TAMM41: variants seen among roughly 807,000 people sequenced by gnomAD.
TAMM41 encodes the protein phosphatidate cytidylyltransferase, mitochondrial.
TAMM41 carries 36 observed loss-of-function variants against 44.1 expected under a neutral mutation model. The observed-to-expected ratio is 0.82, with a 90% CI of 0.63 to 1.08. The LOEUF (loss-of-function observed/expected upper bound fraction) is 1.08, where lower values mean the gene tolerates loss of function less well. Ranked by LOEUF, TAMM41 falls within the 50% of genes least tolerant of loss-of-function variation. The pLI, the probability that TAMM41 is intolerant of heterozygous loss-of-function variation, is 0.00. For missense variants in TAMM41, 417 were observed against 404.3 expected (o/e 1.03, Z -0.27); for synonymous variants, 164 against 153.1 (o/e 1.07, Z -0.53).
At chr3:11,826,434 T>C (rs1041060210) in intron 4 of TAMM41, among the ~76,000 whole-genome samples, 4 of 136,634 alleles carry the variant, frequency 2.9e-5, no homozygotes, top group Non-Finnish European at 4.6e-5. Context: ...GAGTCTGAGG[T>C]GGGAGGGTTG....
chr3:11,798,903 G>A (rs2077676351), intron 7 of TAMM41, among the ~76,000 whole-genome samples: 1 of 152,112 alleles, frequency 6.6e-6, no homozygotes, highest in Non-Finnish European at 1.5e-5. Flanking sequence ...AATGCTAGAT[G>A]CCTTAATATA....
the TAMM41 span, among the ~76,000 whole-genome samples, chr3:11,748,202 G>C: frequency 6.6e-6 from 1 of 151,764 alleles, no homozygotes; most frequent in Non-Finnish European, 1.5e-5. Flanking sequence ...AATCAAACAC[G>C]AGTATCTCCC....
chr3:11,752,465 C>G, the TAMM41 span, among the ~76,000 whole-genome samples: 1 of 151,980 alleles, frequency 6.6e-6, no homozygotes, highest in Non-Finnish European at 1.5e-5. Context: ...TTACAAACCT[C>G]TAGCTAGCCA....
At chr3:11,766,486 AAGG>A in the TAMM41 span, among the ~76,000 whole-genome samples, 1 of 152,024 alleles carries the variant, frequency 6.6e-6, no homozygotes, top group Non-Finnish European at 1.5e-5. Flanking sequence ...CTTATTTTGG[AAGG>A]AGAAGTACAG....
downstream of TAMM41, among the ~76,000 whole-genome samples, chr3:11,786,624 GGTT>G (rs761537249): frequency 6.6e-6 from 1 of 151,450 alleles, no homozygotes; most frequent in African/African-American, 2.4e-5. Flanking sequence ...TTATACTTAG[GGTT>G]GTTTTCATTT....
chr3:11,817,415 G>A (rs1338224614), intron 4 of TAMM41, 78 bp from the exon 5 acceptor site: 2 of 1,430,090 alleles, frequency 1.4e-6, no homozygotes, highest in African/African-American at 2.8e-5. Context: ...TCCCCACACT[G>A]ATACCGCACG....
At position 11,807,751 on chromosome 3, in the gene TAMM41, T is replaced by C. The variant is rs1559279115; in HGVS notation, c.937+82A>G. On this transcript the variant is annotated intron_variant, in intron 7 of 7. Transcript: ENST00000455809. ...CAGCATTTCACAAGCACCTAAAAGATACAAAGCTTTACACTGTAACCAAGA... is the reference window on the plus strand; with the variant it reads ...CAGCATTTCACAAGCACCTAAAAGACACAAAGCTTTACACTGTAACCAAGA... The C allele has an allele frequency of 7.8e-6, 12 of 1,536,072 alleles. No individual in the cohort carries two copies. The South Asian group carries it at 1.4e-4, about 18-fold the overall frequency.
downstream of TAMM41, among the ~76,000 whole-genome samples, chr3:11,787,431 C>A (rs2077424055): frequency 1.3e-5 from 2 of 152,188 alleles, no homozygotes; most frequent in South Asian, 4.1e-4. Context: ...TGCAGATTCT[C>A]TCCACGTCAT....
At chr3:11,779,101 T>C in the TAMM41 span, among the ~76,000 whole-genome samples, 1 of 152,076 alleles carries the variant, frequency 6.6e-6, no homozygotes, top group African/African-American at 2.4e-5. Context: ...ACTCTGTTAG[T>C]TCCTGTGAGA....
chr3:11,778,752 G>A, the TAMM41 span, among the ~76,000 whole-genome samples: 1 of 152,212 alleles, frequency 6.6e-6, no homozygotes, highest in Admixed American at 6.5e-5. Context: ...GATGAGTGAT[G>A]TTGGGCACCT....
the TAMM41 span, among the ~76,000 whole-genome samples, chr3:11,751,506 C>T: frequency 1.3e-5 from 2 of 152,330 alleles, no homozygotes; most frequent in South Asian, 4.1e-4. Flanking sequence ...TGTGTCCAGT[C>T]AGAGCCTGCC....
chr3:11,834,005 G>A (rs2079080163), intron 3 of TAMM41, among the ~76,000 whole-genome samples: 1 of 152,168 alleles, frequency 6.6e-6, no homozygotes, highest in African/African-American at 2.4e-5. Context: ...CACTTTGAGA[G>A]GTTGAGGCAG....
chr3:11,751,530 G>T, the TAMM41 span, among the ~76,000 whole-genome samples: 57 of 152,304 alleles, frequency 3.7e-4, 1 homozygote, highest in African/African-American at 1.3e-3. Flanking sequence ...CTGGGGCCAG[G>T]CCTACCGAAC....
chr3:11,735,889 C>T, the TAMM41 span, among the ~76,000 whole-genome samples: 1 of 152,048 alleles, frequency 6.6e-6, no homozygotes, highest in African/African-American at 2.4e-5. Context: ...CAGCATGTTT[C>T]CAAACCACGC....
the TAMM41 span, among the ~76,000 whole-genome samples, chr3:11,728,972 C>A: frequency 6.7e-6 from 1 of 149,838 alleles, no homozygotes; most frequent in East Asian, 2.0e-4. Flanking sequence ...CGCGCCATTG[C>A]ACTCCAGCCT....
the TAMM41 span, among the ~76,000 whole-genome samples, chr3:11,741,131 A>T: frequency 1.4e-5 from 2 of 139,948 alleles, no homozygotes; most frequent in Admixed American, 1.5e-4. Flanking sequence ...AGGCAGGAGA[A>T]TAGCTTGAAC....
the TAMM41 span, among the ~76,000 whole-genome samples, chr3:11,773,904 C>T: frequency 6.6e-6 from 1 of 152,098 alleles, no homozygotes; most frequent in Non-Finnish European, 1.5e-5. Context: ...GCCTGGCCAA[C>T]ATGGCGAAAC....
the TAMM41 span, among the ~76,000 whole-genome samples, chr3:11,769,068 T>G: frequency 6.6e-6 from 1 of 151,048 alleles, no homozygotes; most frequent in Non-Finnish European, 1.5e-5. Flanking sequence ...TGGAAGGGAG[T>G]GGACCACGTC....
intron 3 of TAMM41, among the ~76,000 whole-genome samples, chr3:11,837,425 A>C (rs1362474109): frequency 1.3e-5 from 2 of 151,712 alleles, no homozygotes; most frequent in African/African-American, 2.4e-5. Flanking sequence ...AAGAAGAAAG[A>C]AAAGTGACAT....
Sources: gnomAD v4.1 joint callset for allele counts (sites outside exome capture counted in the v4.1 genomes callset) on GRCh38, gnomAD v4.1.1 for gene constraint, MANE v1.5 for transcripts, NCBI Gene and HGNC (gene_info 2026-07-23, HGNC 2026-07-21) for gene names.